Variants in MDM4 observed in about 807,000 individuals in gnomAD.
MDM4 encodes the protein protein Mdm4.
MDM4 carries 2 observed loss-of-function variants against 60.2 expected under a neutral mutation model. That is an observed-to-expected ratio of 0.03 (90% CI 0.01 to 0.10). The LOEUF (loss-of-function observed/expected upper bound fraction) is 0.10. Among genes scored for constraint, MDM4 ranks in the 10% least tolerant of loss-of-function variants. The probability of loss-of-function intolerance (pLI) is 1.00; values close to 1 mark genes in which losing one functional copy is unlikely to be tolerated. For missense variants in MDM4, 447 were observed against 577.5 expected, an observed-to-expected ratio of 0.77 and a Z score of 2.32; for synonymous variants, 202 against 198.1, an observed-to-expected ratio of 1.02 and a Z score of -0.17.
chr1:204,524,561 G>A (rs893708602), intron 1 of MDM4, among the ~76,000 whole-genome samples: 3 of 152,124 alleles, frequency 2.0e-5, no homozygotes, highest in Non-Finnish European at 4.4e-5. Context: ...GGCGGATCAC[G>A]AGGTCAGGAA....
chr1:204,522,043 C>G lies in MDM4; in HGVS notation c.-35-3441C>G, dbSNP rs139767812. ...AGAAGGATAAGAATTAGAGGGCAGG[C>G]TAGGAGTGGTGGCCCATGCCTGTAA... On this transcript the variant is annotated intron_variant, in intron 1 of 10. Coordinates refer to ENST00000367182, the MANE Select transcript of MDM4 (RefSeq NM_002393.5). 9.7e-4 allele frequency among the ~76,000 whole-genome samples: 148 copies of G among 152,178 alleles called. No individual in the cohort carries two copies. The East Asian group carries it at 0.023, about 24-fold the overall frequency.
intron 2 of MDM4, 50 bp from the exon 3 acceptor site, chr1:204,526,310 A>G: frequency 6.7e-7 from 1 of 1,499,090 alleles, no homozygotes; most frequent in South Asian, 1.2e-5. Context: ...CCATAGTTTC[A>G]GAAACCTACT....
chr1:204,519,725 G>C (rs901474951), intron 1 of MDM4, among the ~76,000 whole-genome samples: 5 of 151,646 alleles, frequency 3.3e-5, no homozygotes, highest in African/African-American at 1.2e-4. Flanking sequence ...AAGGTGGGAG[G>C]CTTGCTTGAG....
In MDM4 at chr1:204,527,321, C is replaced by T. The variant is rs146811116; in HGVS notation, c.153+887C>T. Among the ~76,000 whole-genome samples, 1,106 of 152,044 alleles carry T rather than the reference C, an allele frequency of 7.3e-3. 8 individuals are homozygous for T. Among genetic ancestry groups the T allele is most frequent in the Middle Eastern group, 0.017 (5 of 294 alleles). On this transcript the variant is annotated intron_variant, in intron 3 of 10. Transcript: ENST00000367182. The stretch of plus-strand genomic sequence containing the variant: ...GAAAAAAAAGACACTGTCTGATTTA[C>T]AGGCTGTATTTTGAGGCAGGAATTA...
At chr1:204,529,028 C>T (rs1660560880) in intron 3 of MDM4, 3 of 1,506,032 alleles carry the variant, frequency 2.0e-6, no homozygotes, top group African/African-American at 1.4e-5. Context: ...AGACCAGTAG[C>T]TGGGTGAACT....
Position 204,552,517 on chromosome 1 carries a change from T to C in MDM4, c.*2835T>C, listed in dbSNP as rs541625126. 1 of 157,702 alleles carries C rather than the reference T, an allele frequency of 6.3e-6. No homozygotes were observed. The highest frequency in any genetic ancestry group is 1.6e-4 in the East Asian group (1 of 6,252). The allele number at this position is 157,702 out of a possible 1,614,324, so 9.8% of individuals were successfully genotyped here. A position where few individuals can be genotyped will look rare whatever the true frequency, so the allele number is the denominator to read the frequency against. ...TTTGTATTTTTAGTAGAGATGGGGG[T>C]TTCACTGTGTTGGCCAGGCTGGTCT... On this transcript the variant is annotated 3_prime_UTR_variant, in exon 11 of 11. Coordinates refer to ENST00000367182, the MANE Select transcript of MDM4 (RefSeq NM_002393.5).
chr1:204,541,729 A>G (rs988762846), intron 7 of MDM4, among the ~76,000 whole-genome samples: 4 of 152,216 alleles, frequency 2.6e-5, no homozygotes, highest in African/African-American at 7.2e-5. Flanking sequence ...GATAGTTTCA[A>G]TAATGAATAA....
intron 1 of MDM4, among the ~76,000 whole-genome samples, chr1:204,524,535 T>C (rs1486316818): frequency 6.6e-6 from 1 of 152,218 alleles, no homozygotes; most frequent in African/African-American, 2.4e-5. Context: ...TCCCAGCACT[T>C]TGGGAGGCTG....
intron 9 of MDM4, among the ~76,000 whole-genome samples, chr1:204,546,324 C>G (rs897934369): frequency 6.6e-6 from 1 of 152,016 alleles, no homozygotes; most frequent in African/African-American, 2.4e-5. Context: ...TGTCTCAGCC[C>G]CCAAGTAACT....
At chr1:204,544,430 G>T in intron 8 of MDM4, 105 bp from the exon 9 acceptor site, 1 of 1,081,788 alleles carries the variant, frequency 9.2e-7, no homozygotes, top group African/African-American at 1.6e-5. Flanking sequence ...GATGTTCTTT[G>T]GCGATGTAGT....
At chr1:204,524,646 G>C (rs184065929) in intron 1 of MDM4, among the ~76,000 whole-genome samples, 2 of 152,130 alleles carry the variant, frequency 1.3e-5, no homozygotes, top group Non-Finnish European at 2.9e-5. Flanking sequence ...GCGTGGTGGC[G>C]TGTGCCTGTA....
chr1:204,529,185 T>C (rs1660590144), intron 3 of MDM4: 1 of 798,974 alleles, frequency 1.3e-6, no homozygotes, highest in Non-Finnish European at 2.2e-6. Flanking sequence ...CGTAGACATT[T>C]ATGTGGCCTG....
intron 5 of MDM4, among the ~76,000 whole-genome samples, chr1:204,535,359 G>A (rs4951079): frequency 0.58 from 87,259 of 151,492 alleles, 27,555 homozygotes; most frequent in Non-Finnish European, 0.69. Context: ...GGGTTTCACC[G>A]TGTTAGCCAG....
chr1:204,532,904 A>C, intron 5 of MDM4: 2 of 1,518,014 alleles, frequency 1.3e-6, no homozygotes, highest in Admixed American at 4.0e-5. Flanking sequence ...TCAAGTTTAA[A>C]TTTTTTGCCA....
intron 1 of MDM4, among the ~76,000 whole-genome samples, chr1:204,519,894 C>G (rs1467942836): frequency 6.6e-6 from 1 of 152,008 alleles, no homozygotes; most frequent in Non-Finnish European, 1.5e-5. Context: ...AGAACGGATA[C>G]AACTGAGGAA....
rs909823079 is a variant in MDM4 at position 204,551,354 on chromosome 1, G to T, written c.*1672G>T. ...AGCTACTGCCCCCTACCCTCTTTGC[G>T]TCTTAGGAGTCATTTAGATTTTTTT... On this transcript the variant is annotated 3_prime_UTR_variant, in exon 11 of 11. Transcript: ENST00000367182. 1 of 230,052 alleles carries T rather than the reference G, an allele frequency of 4.3e-6. No individual in the cohort carries two copies. Among genetic ancestry groups the T allele is most frequent in the Non-Finnish European group, 8.6e-6 (1 of 116,502 alleles). 14.3% of individuals were successfully genotyped at this position (230,052 alleles called of 1,614,324 possible). A position where few individuals can be genotyped will look rare whatever the true frequency, so the allele number is the denominator to read the frequency against.
chr1:204,544,763 T>G, intron 9 of MDM4, 79 bp downstream of exon 9: 8 of 1,296,228 alleles, frequency 6.2e-6, no homozygotes, highest in Non-Finnish European at 7.4e-6. Context: ...TGTATCTGTT[T>G]TTACAACAGA....
At chr1:204,533,164 G>T (rs115379921) in intron 5 of MDM4, among the ~76,000 whole-genome samples, 1 of 152,140 alleles carries the variant, frequency 6.6e-6, no homozygotes, top group Non-Finnish European at 1.5e-5. Context: ...TAACTATTAG[G>T]TATGTATAGG....
At chr1:204,520,587 C>T (rs148151235) in intron 1 of MDM4, among the ~76,000 whole-genome samples, 255 of 151,990 alleles carry the variant, frequency 1.7e-3, no homozygotes, top group African/African-American at 5.9e-3. Context: ...AAGATTATTG[C>T]GTTAAAAATA....
Sources: gnomAD v4.1 joint callset for allele counts (sites outside exome capture counted in the v4.1 genomes callset) on GRCh38, gnomAD v4.1.1 for gene constraint, MANE v1.5 for transcripts, NCBI Gene and HGNC (gene_info 2026-07-23, HGNC 2026-07-21) for gene names.